The following MSI2 variants were observed in gnomAD, a reference collection of about 807,000 sequenced individuals.
The protein encoded by MSI2 is musashi RNA binding protein 2.
A neutral mutation model predicts 45.6 loss-of-function variants in MSI2; 17 were observed. The observed-to-expected ratio is 0.37, with a 90% CI of 0.26 to 0.56. MSI2 has a LOEUF of 0.56. Ranked by LOEUF, MSI2 falls within the 20% of genes least tolerant of loss-of-function variation. MSI2 has a pLI of 0.77. For synonymous variants in MSI2, 156 were observed against 158.2 expected, an observed-to-expected ratio of 0.99 and a Z score of 0.11; for missense variants, 293 against 444.2, an observed-to-expected ratio of 0.66 and a Z score of 3.06.
intron 7 of MSI2, among the ~76,000 whole-genome samples, chr17:57,580,784 G>A (rs563133252): frequency 2.4e-4 from 36 of 152,180 alleles, no homozygotes; most frequent in South Asian, 8.3e-4. Context: ...CTTCCAAATC[G>A]CTCAGCTTTG....
At chr17:57,522,046 A>G (rs1389483707) in intron 6 of MSI2, among the ~76,000 whole-genome samples, 1 of 152,214 alleles carries the variant, frequency 6.6e-6, no homozygotes, top group Non-Finnish European at 1.5e-5. Context: ...CTAAGCTGGC[A>G]GGGAGAGAGG....
At chr17:57,597,062 G>C (rs6503820) in intron 8 of MSI2, 112 bp downstream of exon 8, 2 of 740,694 alleles carry the variant, frequency 2.7e-6, no homozygotes, top group Admixed American at 2.2e-5. Flanking sequence ...GGGGTGGGGA[G>C]GGGGCTAGAT....
rs1268970200 is a variant in MSI2, at chr17:57,529,513, T to TG, written c.406-162dup. Among the ~76,000 whole-genome samples the TG allele has an allele frequency of 1.2e-5, 1 of 80,700 alleles. No individual in the cohort carries two copies. The highest frequency in any genetic ancestry group is 2.2e-5 in the Non-Finnish European group (1 of 44,986). The allele number at this position is 80,700 out of a possible 152,430, so 52.9% of individuals were successfully genotyped here. ...CAACGGTGTGGAGTGGAAAGACCACTGTTTTTTTTTCTTTCTACTTTTTTG... is the reference window on the plus strand; with the variant it reads ...CAACGGTGTGGAGTGGAAAGACCACTGGTTTTTTTTTCTTTCTACTTTTTTG... On this transcript the variant is annotated intron_variant, in intron 6 of 13. Coordinates refer to ENST00000284073, the MANE Select transcript of MSI2 (RefSeq NM_138962.4). The surrounding 1 kb of genome is among the most constrained non-coding windows in gnomAD (Gnocchi z 5.3).
At chr17:57,396,508 A>G (rs1173169152) in intron 5 of MSI2, among the ~76,000 whole-genome samples, 1 of 152,098 alleles carries the variant, frequency 6.6e-6, no homozygotes, top group African/African-American at 2.4e-5. Context: ...TCTGATGCAA[A>G]CACATTTTTT....
chr17:57,526,596 A>G (rs1362473540), intron 6 of MSI2, among the ~76,000 whole-genome samples: 1 of 151,984 alleles, frequency 6.6e-6, no homozygotes, highest in African/African-American at 2.4e-5. Context: ...TTTTCATTCT[A>G]TTCAGTCTTT....
At chr17:57,432,075 G>A (rs1334792897) in intron 6 of MSI2, among the ~76,000 whole-genome samples, 1 of 152,120 alleles carries the variant, frequency 6.6e-6, no homozygotes, top group East Asian at 1.9e-4. Context: ...ACGCCGAGTT[G>A]TGTCGCACTT....
chr17:57,267,543 T>C (rs904708163), intron 5 of MSI2: 1 of 152,192 alleles, frequency 6.6e-6, no homozygotes, highest in East Asian at 1.9e-4. Flanking sequence ...CAGGTGCCGC[T>C]TGGGGCAGCG....
intron 6 of MSI2, among the ~76,000 whole-genome samples, chr17:57,424,477 C>T (rs1413614816): frequency 6.6e-6 from 1 of 152,228 alleles, no homozygotes; most frequent in Non-Finnish European, 1.5e-5. Flanking sequence ...CGGTTTCCCT[C>T]TTTCAGTCTT....
intron 7 of MSI2, among the ~76,000 whole-genome samples, chr17:57,565,388 G>T (rs2087704517): frequency 6.6e-6 from 1 of 152,204 alleles, no homozygotes; most frequent in Non-Finnish European, 1.5e-5. Context: ...AGTGCACTCA[G>T]TGCTCCCGGA....
intron 6 of MSI2, among the ~76,000 whole-genome samples, chr17:57,425,476 A>G (rs571585022): frequency 5.3e-5 from 8 of 152,216 alleles, no homozygotes; most frequent in Admixed American, 2.0e-4. Context: ...GTACACTTTT[A>G]TATAAATGAG....
At chr17:57,678,766 C>G (rs113959469) in intron 13 of MSI2, among the ~76,000 whole-genome samples, 1,920 of 152,322 alleles carry the variant, frequency 0.013, 15 homozygotes, top group Middle Eastern at 0.02. Flanking sequence ...ATGAAGTAAC[C>G]AAGAGTGTGG....
At chr17:57,417,374 G>A (rs2084314393) in intron 6 of MSI2, among the ~76,000 whole-genome samples, 1 of 152,134 alleles carries the variant, frequency 6.6e-6, no homozygotes, top group African/African-American at 2.4e-5. Context: ...CACTTCCATG[G>A]ACCTGAAATC....
intron 10 of MSI2, among the ~76,000 whole-genome samples, chr17:57,639,221 G>A (rs529012660): frequency 8.4e-4 from 128 of 152,224 alleles, no homozygotes; most frequent in Non-Finnish European, 1.6e-3. Flanking sequence ...AGACCATAGC[G>A]GGCAACATCC....
chr17:57,440,436 G>GTT (rs1157385563), intron 6 of MSI2, among the ~76,000 whole-genome samples: 1 of 149,410 alleles, frequency 6.7e-6, no homozygotes, highest in Non-Finnish European at 1.5e-5. Flanking sequence ...GTGTGTGTGT[G>GTT]TGTGTGTGTG....
intron 7 of MSI2, among the ~76,000 whole-genome samples, chr17:57,560,261 G>A (rs140191997): frequency 6.6e-6 from 1 of 152,218 alleles, no homozygotes; most frequent in African/African-American, 2.4e-5. Context: ...GGGAAGTTTT[G>A]TTCTTTTAAA....
At chr17:57,311,802 C>T (rs1567750544) in intron 5 of MSI2, among the ~76,000 whole-genome samples, 1 of 152,136 alleles carries the variant, frequency 6.6e-6, no homozygotes, top group African/African-American at 2.4e-5. Flanking sequence ...GCGATACTCC[C>T]ACCTTAGCCT....
chr17:57,664,884 T>C (rs1470589980), intron 11 of MSI2, among the ~76,000 whole-genome samples: 1 of 152,178 alleles, frequency 6.6e-6, no homozygotes, highest in Admixed American at 6.5e-5. Flanking sequence ...TTGATCCTGT[T>C]AGGATCACCT....
intron 5 of MSI2, among the ~76,000 whole-genome samples, chr17:57,373,287 C>T (rs966302678): frequency 6.6e-6 from 1 of 152,054 alleles, no homozygotes; most frequent in African/African-American, 2.4e-5. Flanking sequence ...AAATTTCACC[C>T]TCTCATTTTA....
At chr17:57,612,873 C>T (rs977617911) in intron 8 of MSI2, among the ~76,000 whole-genome samples, 7 of 152,148 alleles carry the variant, frequency 4.6e-5, no homozygotes, top group Admixed American at 2.0e-4. Flanking sequence ...GTATTATTCC[C>T]CTTGCTGGTG....
Sources: allele counts gnomAD v4.1 joint callset (sites outside exome capture counted in the v4.1 genomes callset), GRCh38; gene constraint gnomAD v4.1.1; non-coding constraint Gnocchi (gnomAD v3.1); transcripts MANE v1.5; gene names NCBI Gene and HGNC (gene_info 2026-07-23, HGNC 2026-07-21).